ZNF786: variants seen among roughly 807,000 people sequenced by gnomAD.
ZNF786 encodes zinc finger protein 786.
A neutral mutation model predicts 63.1 loss-of-function variants in ZNF786; 56 were observed. The ratio of observed to expected loss-of-function variants is 0.89; its 90% CI spans 0.72 to 1.11. The LOEUF is 1.11. Ranked by LOEUF, ZNF786 falls within the 50% of genes least tolerant of loss-of-function variation. The probability of loss-of-function intolerance (pLI) is 0.00; values close to 1 mark genes in which losing one functional copy is unlikely to be tolerated. For missense variants in ZNF786, 1,213 were observed against 1,041.8 expected (o/e 1.16, Z -2.26); for synonymous variants, 485 against 406.9 (o/e 1.19, Z -2.31).
rs1585473866 is a variant in ZNF786 at position 149,090,505 on chromosome 7, C to G, written c.18+118G>C. ...ATCCCCAGCAGAAGCAGCCTGCAGACTCCGTCCTACCCGTGCACCGCGCGC... is the reference window on the plus strand; with the variant it reads ...ATCCCCAGCAGAAGCAGCCTGCAGAGTCCGTCCTACCCGTGCACCGCGCGC... On this transcript the variant is annotated intron_variant, in intron 1 of 3. Transcript: ENST00000491431. The G allele has an allele frequency of 7.6e-6, 9 of 1,179,130 alleles. No individual in the cohort carries two copies. The East Asian group carries it at 2.8e-4, about 36-fold the overall frequency. The allele number at this position is 1,179,130 out of a possible 1,614,324, so 73.0% of individuals were successfully genotyped here.
chr7:149,073,759 A>G (rs1166589461), intron 3 of ZNF786, among the ~76,000 whole-genome samples: 4,039 of 93,090 alleles, frequency 0.043, 101 homozygotes, highest in Non-Finnish European at 0.064. Flanking sequence ...ATATATATAT[A>G]TATATATATA....
In ZNF786 at chr7:149,070,386, C is replaced by T. The variant is rs1334847317; in HGVS notation, c.*37G>A. ...TGTTGCTGTGGATTCCTGGGCAATA[C>T]CAATCCTGCTCAACGCTTTGGATGT... On this transcript the variant is annotated 3_prime_UTR_variant, in exon 4 of 4. Coordinates refer to ENST00000491431, the MANE Select transcript of ZNF786 (RefSeq NM_152411.4). 24 of 1,597,130 alleles carry T rather than the reference C, an allele frequency of 1.5e-5. No homozygotes were observed. Among genetic ancestry groups the T allele is most frequent in the African/African-American group, 2.7e-5 (2 of 74,672 alleles).
Position 149,071,256 on chromosome 7 carries a change from C to A in ZNF786, c.1516G>T (p.Glu506Ter). The change falls in exon 4 of 4, where the codon GAG becomes TAG. Residue 506 changes from glutamate (E) to a stop codon, truncating the protein, a stop_gained. Transcript: ENST00000491431. LOFTEE classifies it high-confidence loss of function. ...LRAHRLRHGG[E>*]RPFSCSECGR... ...CACTCGCTACAGGAGAACGGCCTCT[C>A]CCCACCGTGCCGGAGCCGGTGGGCT... The A allele has an allele frequency of 1.2e-6, 2 of 1,612,792 alleles. No individual in the cohort carries two copies. The highest frequency in any genetic ancestry group is 1.7e-6 in the Non-Finnish European group (2 of 1,179,420).
chr7:149,075,926 G>A lies in ZNF786; in HGVS notation c.146-1388C>T, dbSNP rs140237827. ...TATCCTCCTACCTCAGCCTCCGAAA[G>A]TGCTGGGATTATAGGGATGAGCCAC... On this transcript the variant is annotated intron_variant, in intron 2 of 3. Transcript: ENST00000491431. Among the ~76,000 whole-genome samples, 139 of 151,974 alleles carry A rather than the reference G, an allele frequency of 9.1e-4. 1 individual carries two copies. The highest frequency in any genetic ancestry group is 1.7e-3 in the Admixed American group (26 of 15,240).
At chr7:149,090,293 A>G (rs890296585) in intron 1 of ZNF786, among the ~76,000 whole-genome samples, 4 of 152,210 alleles carry the variant, frequency 2.6e-5, no homozygotes, top group African/African-American at 7.2e-5. Context: ...GACCTGTAAC[A>G]TCCACCTCTG....
intron 1 of ZNF786, among the ~76,000 whole-genome samples, chr7:149,088,805 A>G (rs74494718): frequency 6.4e-4 from 98 of 152,324 alleles, no homozygotes; most frequent in African/African-American, 2.1e-3. Flanking sequence ...TGTAAAGGCA[A>G]ACATTATAAA....
At chr7:149,087,915 G>A (rs1825763463) in intron 1 of ZNF786, among the ~76,000 whole-genome samples, 1 of 150,520 alleles carries the variant, frequency 6.6e-6, no homozygotes, top group African/African-American at 2.4e-5. Context: ...TTAGCCTCCC[G>A]AGTAGCTAGG....
chr7:149,076,469 CT>C (rs1825551966), intron 2 of ZNF786, among the ~76,000 whole-genome samples: 1 of 149,682 alleles, frequency 6.7e-6, no homozygotes, highest in African/African-American at 2.4e-5. Flanking sequence ...TGGCTCACGC[CT>C]GTAATCCCAG....
Position 149,071,969 on chromosome 7 carries a change from A to G in ZNF786, c.803T>C (p.Phe268Ser). ...HLAAHTGRGPFRNADGEMCFR... is the reference protein window; with the variant it reads ...HLAAHTGRGPSRNADGEMCFR... Reference sequence around the variant, plus strand: ...GCACATTTCACCGTCAGCGTTCCGGAAGGGGCCCCTCCCCGTGTGGGCCGC... The same window carrying G: ...GCACATTTCACCGTCAGCGTTCCGGGAGGGGCCCCTCCCCGTGTGGGCCGC... Residue 268 changes from phenylalanine (F) to serine (S), a missense_variant, in exon 4 of 4, where the codon TTC (phenylalanine) becomes TCC (serine). Coordinates refer to ENST00000491431, the MANE Select transcript of ZNF786 (RefSeq NM_152411.4). 2 of 1,612,312 alleles carry G rather than the reference A, an allele frequency of 1.2e-6. No individual in the cohort carries two copies. Among genetic ancestry groups the G allele is most frequent in the Non-Finnish European group, 1.7e-6 (2 of 1,179,784 alleles).
intron 1 of ZNF786, 55 bp from the exon 2 acceptor site, chr7:149,080,772 G>A: frequency 6.5e-7 from 1 of 1,536,016 alleles, no homozygotes; most frequent in Non-Finnish European, 8.7e-7. Flanking sequence ...AATGACTCCA[G>A]CTCCTTCTCC....
At chr7:149,072,613 A>T in intron 3 of ZNF786, 140 bp from the exon 4 acceptor site, 1 of 920,930 alleles carries the variant, frequency 1.1e-6, no homozygotes. Flanking sequence ...ATGCAGTGTG[A>T]TCTGTCTCAT....
chr7:149,090,042 C>T (rs1825805510), intron 1 of ZNF786, among the ~76,000 whole-genome samples: 1 of 152,160 alleles, frequency 6.6e-6, no homozygotes, highest in South Asian at 2.1e-4. Flanking sequence ...AGCAAAAATC[C>T]TCAACATTAA....
Position 149,070,185 on chromosome 7 carries a change from T to A in ZNF786, c.*238A>T, listed in dbSNP as rs1461212472. 3 of 432,030 alleles carry A rather than the reference T, an allele frequency of 6.9e-6. No homozygotes were observed. The East Asian group carries it at 1.4e-4, about 20-fold the overall frequency. 26.8% of individuals were successfully genotyped at this position (432,030 alleles called of 1,614,324 possible). ...GGGATCACGCCACTGCACTCCAGCC[T>A]GGGTGACAGAGCAAAACTCCATCTT... On this transcript the variant is annotated 3_prime_UTR_variant, in exon 4 of 4. Transcript: ENST00000491431.
chr7:149,089,377 C>G (rs1825793275), intron 1 of ZNF786, among the ~76,000 whole-genome samples: 1 of 152,038 alleles, frequency 6.6e-6, no homozygotes, highest in Non-Finnish European at 1.5e-5. Context: ...TGCAGTGGCG[C>G]CATCTCAGTT....
In ZNF786 at chr7:149,072,397, T is replaced by G. The variant is rs769239583; in HGVS notation, c.375A>C (p.Gly125=). 1 of 1,612,758 alleles carries G rather than the reference T, an allele frequency of 6.2e-7. No homozygotes were observed. Among genetic ancestry groups the G allele is most frequent in the Non-Finnish European group, 8.5e-7 (1 of 1,179,512 alleles). Residue 125 remains glycine, a synonymous_variant, in exon 4 of 4, where the codon GGA becomes GGC. Transcript: ENST00000491431. ...QLDPESQCSF[G]SFVSFRPDQG... is the part of the protein sequence containing the mutation. The stretch of plus-strand genomic sequence containing the variant: ...GGTCAGGCCTGAAGGAAACAAAGGA[T>G]CCAAAGGAACACTGGCTTTCAGGAT...
chr7:149,090,559 G>T, intron 1 of ZNF786, 64 bp downstream of exon 1: 1 of 1,475,742 alleles, frequency 6.8e-7, no homozygotes, highest in Non-Finnish European at 9.1e-7. Context: ...ACACGGGCGA[G>T]CCCGGAACCC....
Position 149,072,225 on chromosome 7 carries a change from C to G in ZNF786, c.547G>C (p.Glu183Gln). The G allele has an allele frequency of 6.2e-7, 1 of 1,613,600 alleles. No individual in the cohort carries two copies. Among genetic ancestry groups the G allele is most frequent in the Non-Finnish European group, 8.5e-7 (1 of 1,179,778 alleles). The change falls in exon 4 of 4, where the codon GAG (glutamate) becomes CAG (glutamine). Residue 183 changes from glutamate (E) to glutamine (Q), a missense_variant. By Grantham distance (29) the Glu-to-Gln change is conservative (BLOSUM62 2). Transcript: ENST00000491431. ...LPGLWDVPAWESTQHPWPVCG... is the reference protein window; with the variant it reads ...LPGLWDVPAWQSTQHPWPVCG... ...ACAGGCCAAGGGTGCTGGGTGCTCT[C>G]CCAGGCGGGGACGTCCCACAAACCA...
intron 2 of ZNF786, among the ~76,000 whole-genome samples, chr7:149,079,343 A>C (rs1284390761): frequency 6.6e-6 from 1 of 151,548 alleles, no homozygotes; most frequent in Non-Finnish European, 1.5e-5. Flanking sequence ...CGTAAGGCGG[A>C]GCTTGCAGTG....
At position 149,071,363 on chromosome 7, in the gene ZNF786, C is replaced by A. The variant is rs879785021; in HGVS notation, c.1409G>T (p.Arg470Leu). ...CTCGTCCGTGTGCAGCCGCTGGTGC[C>A]GCAGCAGCTGTCCCCTCTGACGGAA... ...RNFRQRGQLL[R>L]HQRLHTDEKP... The change falls in exon 4 of 4, where the codon CGG becomes CTG. Residue 470 changes from arginine to leucine, a missense_variant. Arg to Leu is a moderately radical substitution (Grantham distance 102, BLOSUM62 -2). Transcript: ENST00000491431. The A allele has an allele frequency of 3.1e-6, 5 of 1,613,126 alleles. No homozygotes were observed. The African/African-American group carries it at 5.3e-5, about 17-fold the overall frequency.
Sources: allele counts gnomAD v4.1 joint callset (sites outside exome capture counted in the v4.1 genomes callset), GRCh38; gene constraint gnomAD v4.1.1; transcripts MANE v1.5; gene names NCBI Gene and HGNC (gene_info 2026-07-23, HGNC 2026-07-21).